The following RBFOX1 variants were observed in gnomAD, a reference collection of about 807,000 sequenced individuals.
RBFOX1 encodes the protein RNA binding fox-1 homolog 1, also known as RNA binding protein fox-1 homolog 1.
In RBFOX1, 8 loss-of-function variants were observed where a neutral mutation model predicts 57.7. The ratio of observed to expected loss-of-function variants is 0.14; its 90% CI spans 0.08 to 0.25. The LOEUF is 0.25. Ranked by LOEUF, RBFOX1 falls within the 10% of genes least tolerant of loss-of-function variation. The pLI is 1.00. For missense variants in RBFOX1, 611 were observed against 548.5 expected, an observed-to-expected ratio of 1.11 and a Z score of -1.14; for synonymous variants, 326 against 222.4, an observed-to-expected ratio of 1.47 and a Z score of -4.15.
At chr16:5,547,598 A>G (rs1218114465) in intron 2 of RBFOX1, among the ~76,000 whole-genome samples, 1 of 152,190 alleles carries the variant, frequency 6.6e-6, no homozygotes, top group Non-Finnish European at 1.5e-5. Context: ...GCCTGTTGAC[A>G]AGGATGGGAA....
At chr16:6,123,633 A>C (rs1037991982) in intron 1 of RBFOX1, among the ~76,000 whole-genome samples, 1 of 152,206 alleles carries the variant, frequency 6.6e-6, no homozygotes, top group Non-Finnish European at 1.5e-5. Context: ...CTATTCACTT[A>C]AAAATAGTTA....
intron 5 of RBFOX1, among the ~76,000 whole-genome samples, chr16:7,567,536 G>C (rs1427595571): frequency 1.4e-5 from 1 of 71,338 alleles, no homozygotes; most frequent in African/African-American, 5.0e-5. Context: ...CCTATGTATG[G>C]CCCTATATGT....
intron 4 of RBFOX1, among the ~76,000 whole-genome samples, chr16:7,151,825 T>C (rs946836776): frequency 1.1e-4 from 16 of 152,226 alleles, no homozygotes; most frequent in African/African-American, 3.9e-4. Flanking sequence ...ACATGCAACC[T>C]AGCTCCTTCG....
At chr16:6,938,536 C>T (rs540793215) in intron 3 of RBFOX1, among the ~76,000 whole-genome samples, 2 of 151,084 alleles carry the variant, frequency 1.3e-5, no homozygotes, top group South Asian at 4.2e-4. Context: ...GCCTAACATT[C>T]TAGCATTACC....
At chr16:6,011,952 G>A (rs116123381) in intron 4 of RBFOX1, among the ~76,000 whole-genome samples, 29 of 152,290 alleles carry the variant, frequency 1.9e-4, no homozygotes, top group African/African-American at 6.7e-4. Flanking sequence ...TTGTAAGGTG[G>A]CATCGCCCAC....
At chr16:7,302,959 A>G (rs1471237626) in intron 4 of RBFOX1, among the ~76,000 whole-genome samples, 1 of 152,234 alleles carries the variant, frequency 6.6e-6, no homozygotes, top group Non-Finnish European at 1.5e-5. Flanking sequence ...AAAAAAAATA[A>G]ATAAATAAAC....
Position 7,057,017 on chromosome 16 carries a change from C to T in RBFOX1, c.27+4919C>T, listed in dbSNP as rs987676541. Among the ~76,000 whole-genome samples, 195 of 144,968 alleles carry T rather than the reference C, an allele frequency of 1.3e-3. 1 individual carries two copies. Among genetic ancestry groups the T allele is most frequent in the African/African-American group, 5.0e-3 (186 of 37,528 alleles). ...GATTGGTGACTGGATAAAACAACTT[C>T]GTTAAAGCACTGAAAAAAAAAAAAA... On this transcript the variant is annotated intron_variant, in intron 4 of 15. Coordinates refer to ENST00000550418, the MANE Select transcript of RBFOX1 (RefSeq NM_018723.4).
At chr16:5,350,535 T>C (rs879424609) in intron 1 of RBFOX1, among the ~76,000 whole-genome samples, 7 of 152,158 alleles carry the variant, frequency 4.6e-5, no homozygotes, top group African/African-American at 1.4e-4. Flanking sequence ...CTTTCTGCAA[T>C]TGGCTCCCAC....
chr16:6,356,976 G>A (rs1326014046), intron 2 of RBFOX1, among the ~76,000 whole-genome samples: 1 of 152,056 alleles, frequency 6.6e-6, no homozygotes, highest in Non-Finnish European at 1.5e-5. Context: ...CCAGCAGCCC[G>A]GTAATGGATT....
intron 1 of RBFOX1, among the ~76,000 whole-genome samples, chr16:6,204,942 A>G (rs1300105730): frequency 6.6e-6 from 1 of 152,240 alleles, no homozygotes; most frequent in African/African-American, 2.4e-5. Context: ...GTTAACCTTC[A>G]AAGCTAACTC....
intron 4 of RBFOX1, among the ~76,000 whole-genome samples, chr16:7,416,916 T>C (rs927040243): frequency 1.3e-5 from 2 of 152,188 alleles, no homozygotes; most frequent in Admixed American, 1.3e-4. Flanking sequence ...ATCCACATTT[T>C]ATAGCAGAAA....
chr16:6,335,380 C>A (rs1302705267), intron 2 of RBFOX1, among the ~76,000 whole-genome samples: 2 of 152,084 alleles, frequency 1.3e-5, no homozygotes, highest in Non-Finnish European at 2.9e-5. Context: ...AGAAGAGAGC[C>A]AGGAGAGGGA....
chr16:7,369,493 C>T (rs2097529628), intron 4 of RBFOX1, among the ~76,000 whole-genome samples: 2 of 152,248 alleles, frequency 1.3e-5, no homozygotes, highest in South Asian at 4.2e-4. Flanking sequence ...TTTTTAATAA[C>T]TCCCTGCATT....
At chr16:7,265,750 G>C (rs1291881563) in intron 4 of RBFOX1, among the ~76,000 whole-genome samples, 2 of 152,050 alleles carry the variant, frequency 1.3e-5, no homozygotes, top group Non-Finnish European at 2.9e-5. Flanking sequence ...TGCCTGGCCA[G>C]GTGTCTTTTC....
intron 1 of RBFOX1, among the ~76,000 whole-genome samples, chr16:5,371,904 C>T (rs549641824): frequency 2.3e-4 from 35 of 152,260 alleles, no homozygotes; most frequent in South Asian, 1.0e-3. Flanking sequence ...GGGAGGTTTC[C>T]GACCAGTAAT....
chr16:6,982,458 C>T (rs748355949), intron 3 of RBFOX1, among the ~76,000 whole-genome samples: 1 of 152,142 alleles, frequency 6.6e-6, no homozygotes, highest in Admixed American at 6.6e-5. Flanking sequence ...TTGCAGCGAG[C>T]TCCTTCTCAT....
At chr16:6,264,069 G>C (rs1045139788) in intron 1 of RBFOX1, among the ~76,000 whole-genome samples, 1 of 152,060 alleles carries the variant, frequency 6.6e-6, no homozygotes, top group Non-Finnish European at 1.5e-5. Flanking sequence ...ATGGGGATTC[G>C]ATAACCTTAC....
chr16:5,980,051 A>G (rs1436806026), intron 4 of RBFOX1, among the ~76,000 whole-genome samples: 1 of 152,186 alleles, frequency 6.6e-6, no homozygotes, highest in Non-Finnish European at 1.5e-5. Flanking sequence ...AAAGTCTTCC[A>G]ATCAGCTCCA....
chr16:6,470,806 C>T (rs2095156994), intron 2 of RBFOX1, among the ~76,000 whole-genome samples: 2 of 152,036 alleles, frequency 1.3e-5, no homozygotes, highest in South Asian at 2.1e-4. Context: ...TTTTTTAACA[C>T]CTCCAGTTAT....
Sources: allele counts gnomAD v4.1 joint callset (sites outside exome capture counted in the v4.1 genomes callset), GRCh38; gene constraint gnomAD v4.1.1; transcripts MANE v1.5; gene names NCBI Gene and HGNC (gene_info 2026-07-23, HGNC 2026-07-21).